The following VHL variants were observed in gnomAD, a reference collection of about 807,000 sequenced individuals.
VHL encodes von Hippel-Lindau tumor suppressor, also known as von Hippel-Lindau disease tumor suppressor.
A neutral mutation model predicts 19.2 loss-of-function variants in VHL; 10 were observed. The ratio of observed to expected loss-of-function variants is 0.52; its 90% CI spans 0.32 to 0.89. The LOEUF (loss-of-function observed/expected upper bound fraction) is 0.89. Among genes scored for constraint, VHL ranks in the 40% least tolerant of loss-of-function variants. The pLI is 0.03. For missense variants in VHL, 328 were observed against 292.7 expected (o/e 1.12, Z -0.88); for synonymous variants, 167 against 129.5 (o/e 1.29, Z -1.97).
At chr3:10,144,981 C>T (rs1004654459) in intron 1 of VHL, among the ~76,000 whole-genome samples, 21 of 152,292 alleles carry the variant, frequency 1.4e-4, no homozygotes, top group African/African-American at 5.1e-4. Flanking sequence ...CACCTGAGGT[C>T]AGGAGTTCAA....
intron 2 of VHL, among the ~76,000 whole-genome samples, chr3:10,147,013 A>G (rs1559428421): frequency 6.6e-6 from 1 of 151,886 alleles, no homozygotes; most frequent in African/African-American, 2.4e-5. Context: ...CTGACTTCTA[A>G]TTTTTTTTAT....
Position 10,142,195 on chromosome 3 carries a change from C to A in VHL, c.340+8C>A, listed in dbSNP as rs756068442. The A allele has an allele frequency of 3.8e-6, 6 of 1,596,642 alleles. No individual in the cohort carries two copies. In the Admixed American group the frequency reaches 1.0e-4, roughly 27 times the overall value. ...GCATCCACAGCTACCGAGGTACGGG[C>A]CCGGCGCTTAGGCCCGACCCAGCAG... On this transcript the variant is annotated splice_region_variant and intron_variant, in intron 1 of 2. Transcript: ENST00000256474.
In VHL at chr3:10,152,664, G is replaced by C. The variant is rs1575936393; in HGVS notation, c.*2699G>C. On this transcript the variant is annotated 3_prime_UTR_variant, in exon 3 of 3. Coordinates refer to ENST00000256474, the MANE Select transcript of VHL (RefSeq NM_000551.4). ...CCTGCCACCATGCCTGGCTAATTTT[G>C]TGTTTTTAGTGGAGACGGGGTTTCA... is the stretch of plus-strand genomic sequence containing the variant. Among the ~76,000 whole-genome samples the C allele has an allele frequency of 1.3e-5, 2 of 150,814 alleles. No homozygotes were observed. The highest frequency in any genetic ancestry group is 6.6e-5 in the Admixed American group (1 of 15,116).
intron 1 of VHL, among the ~76,000 whole-genome samples, chr3:10,145,920 C>T (rs914626090): frequency 6.6e-6 from 1 of 152,058 alleles, no homozygotes; most frequent in South Asian, 2.1e-4. Flanking sequence ...CTTCCCTTTT[C>T]CACCATGGTA....
Position 10,151,992 on chromosome 3 carries a change from TG to T in VHL, c.*2029del. The T allele has an allele frequency of 5.7e-6, 1 of 175,060 alleles. No individual in the cohort carries two copies. Among genetic ancestry groups the T allele is most frequent in the East Asian group, 9.5e-5 (1 of 10,580 alleles). The allele number at this position is 175,060 out of a possible 1,614,324, so 10.8% of individuals were successfully genotyped here. The stretch of plus-strand genomic sequence containing the variant: ...GAGAAGATCATTGGAGTTTAGGAAT[TG>T]GAGGCTGCAGTGAGCCATGAGTATG... On this transcript the variant is annotated 3_prime_UTR_variant, in exon 3 of 3. Coordinates refer to ENST00000256474, the MANE Select transcript of VHL (RefSeq NM_000551.4).
At chr3:10,147,779 A>G (rs1408047762) in intron 2 of VHL, among the ~76,000 whole-genome samples, 2 of 152,000 alleles carry the variant, frequency 1.3e-5, no homozygotes, top group Admixed American at 1.3e-4. Context: ...TGTGGGTAAA[A>G]AAAACCTCAC....
At chr3:10,146,173 C>CTTTTTT (rs367615363) in intron 1 of VHL, among the ~76,000 whole-genome samples, 4 of 131,560 alleles carry the variant, frequency 3.0e-5, no homozygotes, top group African/African-American at 1.2e-4. Flanking sequence ...CAGTCTGGCT[C>CTTTTTT]TTTTTTTTTT....
chr3:10,149,175 T>C (rs1255213871), intron 2 of VHL, among the ~76,000 whole-genome samples: 1 of 150,536 alleles, frequency 6.6e-6, no homozygotes. Flanking sequence ...TGCAGTGGCA[T>C]GATCTTAGCT....
At position 10,152,793 on chromosome 3, in the gene VHL, TTTA is replaced by T. The variant is rs1696446761; in HGVS notation, c.*2834_*2836del. Among the ~76,000 whole-genome samples, 1 of 151,618 alleles carries T rather than the reference TTTA, an allele frequency of 6.6e-6. No homozygotes were observed. Among genetic ancestry groups the T allele is most frequent in the Non-Finnish European group, 1.5e-5 (1 of 67,938 alleles). On this transcript the variant is annotated 3_prime_UTR_variant, in exon 3 of 3. Transcript: ENST00000256474. ...GTGTGAGCCACCGCGTCCAGCCAGC[TTTA>T]TTATTTTTTTTAAGCTGTCTTTGTG...
rs752980085 is a variant in VHL at position 10,142,014 on chromosome 3, C to T, written c.167C>T (p.Ala56Val). Reference protein sequence around the residue: ...EELGAEEEMEAGRPRPVLRSV... With the variant: ...EELGAEEEMEVGRPRPVLRSV... ...CTGGGCGCCGAGGAGGAGATGGAGG[C>T]CGGGCGGCCGCGGCCCGTGCTGCGC... Residue 56 changes from alanine to valine, a missense_variant, in exon 1 of 3, where the codon GCC (alanine) becomes GTC (valine). Ala to Val is a moderately conservative substitution (Grantham distance 64). Transcript: ENST00000256474. The T allele has an allele frequency of 1.3e-6, 2 of 1,589,792 alleles. No individual in the cohort carries two copies. The highest frequency in any genetic ancestry group is 8.5e-7 in the Non-Finnish European group (1 of 1,169,922).
In VHL at chr3:10,141,965, C is replaced by G. The variant is rs776399733; in HGVS notation, c.118C>G (p.Pro40Ala). 1 of 1,553,930 alleles carries G rather than the reference C, an allele frequency of 6.4e-7. No homozygotes were observed. Residue 40 changes from proline (P) to alanine (A), a missense_variant, in exon 1 of 3, where the codon CCG becomes GCG. Pro to Ala is a conservative substitution (Grantham distance 27, BLOSUM62 -1). Transcript: ENST00000256474. ...GGAGTCGGGCGCCGAGGAGTCCGGC[C>G]CGGAAGAGTCCGGCCCGGAGGAACT... ...GEESGAEESG[P>A]EESGPEELGA...
At chr3:10,143,507 G>C (rs889795046) in intron 1 of VHL, among the ~76,000 whole-genome samples, 14 of 152,128 alleles carry the variant, frequency 9.2e-5, no homozygotes, top group African/African-American at 3.4e-4. Flanking sequence ...GAGTGCTGTT[G>C]CACAATCTTG....
At chr3:10,146,256 C>T (rs1417081447) in intron 1 of VHL, among the ~76,000 whole-genome samples, 2 of 150,978 alleles carry the variant, frequency 1.3e-5, no homozygotes, top group Non-Finnish European at 2.9e-5. Flanking sequence ...TCACGGCAAG[C>T]TCCACCTCCT....
intron 2 of VHL, among the ~76,000 whole-genome samples, chr3:10,147,732 G>T (rs886463685): frequency 6.6e-6 from 1 of 151,254 alleles, no homozygotes; most frequent in South Asian, 2.1e-4. Flanking sequence ...AAGCTCAAAT[G>T]ATTTTATCAG....
rs864622645 is a variant in VHL at position 10,141,976 on chromosome 3, C to T, written c.129C>T (p.Ser43=). 3 of 1,561,350 alleles carry T rather than the reference C, an allele frequency of 1.9e-6. No individual in the cohort carries two copies. Among genetic ancestry groups the T allele is most frequent in the Admixed American group, 1.9e-5 (1 of 52,040 alleles). ...SGAEESGPEE[S]GPEELGAEEE... ...CCGAGGAGTCCGGCCCGGAAGAGTC[C>T]GGCCCGGAGGAACTGGGCGCCGAGG... The change falls in exon 1 of 3, where the codon TCC becomes TCT. Residue 43 remains serine (S), a synonymous_variant. Transcript: ENST00000256474.
Position 10,150,243 on chromosome 3 carries a change from G to A in VHL, c.*278G>A, listed in dbSNP as rs1351180988. On this transcript the variant is annotated 3_prime_UTR_variant, in exon 3 of 3. Transcript: ENST00000256474. ...GCTTCCTAGTAAGTCAGGACAGCTT[G>A]TATGTAAGGAGGTTTGTATAAGTAA... 4 of 1,329,658 alleles carry A rather than the reference G, an allele frequency of 3.0e-6. No homozygotes were observed. The African/African-American group carries it at 4.4e-5, about 15-fold the overall frequency. The allele number at this position is 1,329,658 out of a possible 1,614,324, so 82.4% of individuals were successfully genotyped here. A position where few individuals can be genotyped will look rare whatever the true frequency, so the allele number is the denominator to read the frequency against.
chr3:10,146,848 G>C (rs112997247), intron 2 of VHL, among the ~76,000 whole-genome samples: 14 of 152,250 alleles, frequency 9.2e-5, no homozygotes, highest in African/African-American at 3.4e-4. Flanking sequence ...AGCACTTTGG[G>C]CTCTTAAGAG....
intron 1 of VHL, among the ~76,000 whole-genome samples, chr3:10,145,224 T>C (rs1696226621): frequency 6.6e-6 from 1 of 152,052 alleles, no homozygotes; most frequent in African/African-American, 2.4e-5. Flanking sequence ...AACTTTTATG[T>C]ATATTTTACC....
intron 1 of VHL, among the ~76,000 whole-genome samples, chr3:10,143,490 C>T (rs1209538969): frequency 6.6e-6 from 1 of 152,068 alleles, no homozygotes; most frequent in Non-Finnish European, 1.5e-5. Flanking sequence ...GATCTGTCGC[C>T]AGACTGGAGT....
Sources: gnomAD v4.1 joint callset for allele counts (sites outside exome capture counted in the v4.1 genomes callset) on GRCh38, gnomAD v4.1.1 for gene constraint, MANE v1.5 for transcripts, NCBI Gene and HGNC (gene_info 2026-07-23, HGNC 2026-07-21) for gene names.